Variants in GALNT13 observed in about 807,000 individuals in gnomAD.
GALNT13 encodes the protein UDP-GalNAc:polypeptide N-acetylgalactosaminyltransferase 13.
GALNT13 carries 28 observed loss-of-function variants against 64.2 expected under a neutral mutation model. The ratio of observed to expected loss-of-function variants is 0.44; its 90% confidence interval spans 0.32 to 0.60. The LOEUF is 0.60. Ranked by LOEUF, GALNT13 falls within the 20% of genes least tolerant of loss-of-function variation. The pLI, the probability that GALNT13 is intolerant of heterozygous loss-of-function variation, is 0.05. For missense variants in GALNT13, 577 were observed against 669.8 expected (o/e 0.86, Z 1.53); for synonymous variants, 214 against 224.6 (o/e 0.95, Z 0.42).
the GALNT13 span, among the ~76,000 whole-genome samples, chr2:153,635,604 G>A: frequency 6.6e-6 from 1 of 151,960 alleles, no homozygotes; most frequent in African/African-American, 2.4e-5. Flanking sequence ...TTATAGCCTA[G>A]GATGAATTCT....
At chr2:154,119,624 T>C (rs1488344492) in intron 3 of GALNT13, among the ~76,000 whole-genome samples, 1 of 151,204 alleles carries the variant, frequency 6.6e-6, no homozygotes, top group Admixed American at 6.6e-5. Context: ...TTTTATTCTT[T>C]TGTCTTTTTG....
At chr2:153,519,633 A>G in the GALNT13 span, among the ~76,000 whole-genome samples, 1 of 152,162 alleles carries the variant, frequency 6.6e-6, no homozygotes, top group Admixed American at 6.5e-5. Context: ...TTCTGTTGCT[A>G]GCTCACTTTT....
chr2:153,777,048 GTTTT>G, the GALNT13 span, among the ~76,000 whole-genome samples: 1 of 151,690 alleles, frequency 6.6e-6, no homozygotes, highest in Non-Finnish European at 1.5e-5. Flanking sequence ...TTGTTTGTTT[GTTTT>G]GTTTTGTTTT....
intron 4 of GALNT13, among the ~76,000 whole-genome samples, chr2:154,176,161 C>G (rs1685635132): frequency 6.6e-6 from 1 of 151,824 alleles, no homozygotes; most frequent in Non-Finnish European, 1.5e-5. Flanking sequence ...ATTTCCGGTT[C>G]TTTGTTATAA....
chr2:153,814,237 G>A, the GALNT13 span, among the ~76,000 whole-genome samples: 1 of 152,034 alleles, frequency 6.6e-6, no homozygotes, highest in African/African-American at 2.4e-5. Context: ...TCAGGAGATC[G>A]AGACCATCCT....
At chr2:153,710,110 T>A in the GALNT13 span, among the ~76,000 whole-genome samples, 32 of 152,192 alleles carry the variant, frequency 2.1e-4, no homozygotes, top group Middle Eastern at 6.8e-3. Flanking sequence ...ATTTCAAAAC[T>A]GCTATGAGAA....
At chr2:154,175,731 T>C (rs1414798067) in intron 4 of GALNT13, among the ~76,000 whole-genome samples, 1 of 152,134 alleles carries the variant, frequency 6.6e-6, no homozygotes, top group Non-Finnish European at 1.5e-5. Flanking sequence ...TAGGGTAATA[T>C]ATACTGGAAA....
intron 3 of GALNT13, among the ~76,000 whole-genome samples, chr2:153,946,788 T>C (rs1463678065): frequency 6.6e-6 from 1 of 152,168 alleles, no homozygotes; most frequent in Non-Finnish European, 1.5e-5. Flanking sequence ...TGTACTACTT[T>C]AAAGTTTTAT....
At chr2:153,654,459 C>T in the GALNT13 span, among the ~76,000 whole-genome samples, 35,807 of 151,688 alleles carry the variant, frequency 0.24, 4,781 homozygotes, top group Admixed American at 0.36. Context: ...GAAATGTACA[C>T]TGAGTTATTT....
chr2:153,645,062 C>A, the GALNT13 span, among the ~76,000 whole-genome samples: 1 of 152,072 alleles, frequency 6.6e-6, no homozygotes, highest in Non-Finnish European at 1.5e-5. Context: ...GTCCCCAGAT[C>A]CTCACTATTG....
the GALNT13 span, among the ~76,000 whole-genome samples, chr2:153,497,294 G>C: frequency 6.6e-6 from 1 of 151,982 alleles, no homozygotes; most frequent in African/African-American, 2.4e-5. Context: ...AAGTATATAA[G>C]TTTTTTCAAA....
chr2:153,132,923 A>G, the GALNT13 span, among the ~76,000 whole-genome samples: 1 of 151,686 alleles, frequency 6.6e-6, no homozygotes, highest in African/African-American at 2.4e-5. Context: ...GGATTTCGCC[A>G]TGTTACCCAG....
chr2:154,102,596 C>T (rs34148139), intron 3 of GALNT13, among the ~76,000 whole-genome samples: 1 of 151,946 alleles, frequency 6.6e-6, no homozygotes, highest in Non-Finnish European at 1.5e-5. Context: ...GATGGGTGCA[C>T]CAAAATCTCA....
At chr2:153,898,123 A>G (rs1012926650) in intron 1 of GALNT13, among the ~76,000 whole-genome samples, 2 of 152,002 alleles carry the variant, frequency 1.3e-5, no homozygotes, top group African/African-American at 4.8e-5. Flanking sequence ...ATATCTCTGT[A>G]TATAGTGGGA....
chr2:154,370,329 G>A (rs1241195895), intron 9 of GALNT13, among the ~76,000 whole-genome samples: 2 of 152,008 alleles, frequency 1.3e-5, no homozygotes, highest in African/African-American at 2.4e-5. Flanking sequence ...TCTGATATGC[G>A]TTTTTCAAAA....
chr2:153,746,048 T>A, the GALNT13 span, among the ~76,000 whole-genome samples: 1 of 152,204 alleles, frequency 6.6e-6, no homozygotes, highest in Non-Finnish European at 1.5e-5. Flanking sequence ...ATACCACCCT[T>A]ACAATAGTGA....
chr2:153,123,830 C>G, the GALNT13 span, among the ~76,000 whole-genome samples: 5 of 152,104 alleles, frequency 3.3e-5, no homozygotes, highest in African/African-American at 1.2e-4. Flanking sequence ...GTGTAGTAAG[C>G]AGTGTCTAAA....
chr2:153,362,695 A>C, the GALNT13 span, among the ~76,000 whole-genome samples: 1 of 152,170 alleles, frequency 6.6e-6, no homozygotes, highest in Non-Finnish European at 1.5e-5. Context: ...TAACTATACT[A>C]AATATATATG....
At chr2:153,090,566 T>C in the GALNT13 span, among the ~76,000 whole-genome samples, 50,983 of 152,006 alleles carry the variant, frequency 0.34, 9,455 homozygotes, top group Non-Finnish European at 0.44. Flanking sequence ...ATGGGCTACA[T>C]TGGTTGGCCT....
Sources: allele counts gnomAD v4.1 joint callset (sites outside exome capture counted in the v4.1 genomes callset), GRCh38; gene constraint gnomAD v4.1.1; transcripts MANE v1.5; gene names NCBI Gene and HGNC (gene_info 2026-07-23, HGNC 2026-07-21).